ATXN10: variants seen among roughly 807,000 people sequenced by gnomAD.
The protein encoded by ATXN10 is ataxin 10, also known as ataxin-10.
ATXN10 carries 28 observed loss-of-function variants against 52.9 expected under a neutral mutation model. That is an observed-to-expected ratio of 0.53 (90% CI 0.39 to 0.73). The LOEUF is 0.73. Among genes scored for constraint, ATXN10 ranks in the 30% least tolerant of loss-of-function variants. The pLI is 0.00. For missense variants in ATXN10, 565 were observed against 577.0 expected (o/e 0.98, Z 0.21); for synonymous variants, 226 against 221.5 (o/e 1.02, Z -0.18).
At chr22:45,765,385 A>G (rs1376232827) in intron 9 of ATXN10, among the ~76,000 whole-genome samples, 1 of 152,192 alleles carries the variant, frequency 6.6e-6, no homozygotes, top group Admixed American at 6.5e-5. Flanking sequence ...GCCAGTCATT[A>G]GAAATTAGTT....
Position 45,774,991 on chromosome 22 carries a change from T to TTTTG in ATXN10, c.1174-31956_1174-31953dup, listed in dbSNP as rs915239670. 5.9e-5 allele frequency among the ~76,000 whole-genome samples: 9 copies of TTTTG among 152,166 alleles called. No homozygotes were observed. The highest frequency in any genetic ancestry group is 2.2e-4 in the African/African-American group (9 of 41,450). Reference sequence around the variant, plus strand: ...CAGGGGTCGGAGAAACACTAAAGTTTTTTGTTTGTTTGTTTTGCCTTTTCC... The same window carrying TTTTG: ...CAGGGGTCGGAGAAACACTAAAGTTTTTTGTTTGTTTGTTTGTTTTGCCTTTTCC... On this transcript the variant is annotated intron_variant, in intron 9 of 11. Coordinates refer to ENST00000252934, the MANE Select transcript of ATXN10 (RefSeq NM_013236.4). The surrounding 1 kb of genome is among the most constrained non-coding windows in gnomAD (Gnocchi z 6.2).
chr22:45,676,596 C>T (rs572638633), intron 1 of ATXN10: 2 of 152,020 alleles, frequency 1.3e-5, no homozygotes, highest in East Asian at 1.9e-4. Context: ...TCACCTGCCT[C>T]AGCTTCCCGA....
chr22:45,788,616 T>C (rs1314893775), intron 9 of ATXN10, among the ~76,000 whole-genome samples: 1 of 152,030 alleles, frequency 6.6e-6, no homozygotes, highest in Admixed American at 6.6e-5. Flanking sequence ...CAAGACTTTA[T>C]ATTCCACCCT....
chr22:45,726,172 G>A (rs1337513932), intron 6 of ATXN10, among the ~76,000 whole-genome samples: 1 of 152,118 alleles, frequency 6.6e-6, no homozygotes, highest in Non-Finnish European at 1.5e-5. Flanking sequence ...TTCATAGAGT[G>A]AATTAGGTTA....
rs538311985 is a variant in ATXN10 at position 45,806,359 on chromosome 22, T to C, written c.1174-600T>C. Among the ~76,000 whole-genome samples, 8 of 152,360 alleles carry C rather than the reference T, an allele frequency of 5.3e-5. No homozygotes were observed. In the East Asian group the frequency reaches 1.2e-3, roughly 22 times the overall value. On this transcript the variant is annotated intron_variant, in intron 9 of 11. Coordinates refer to ENST00000252934, the MANE Select transcript of ATXN10 (RefSeq NM_013236.4). ...TTTGTATTTTCGGTGCCATGTATGT[T>C]TCATGTATCTCACCTGTTTTTCTAT...
At position 45,759,554 on chromosome 22, in the gene ATXN10, G is replaced by A. The variant is rs1178136887; in HGVS notation, c.1173+19016G>A. On this transcript the variant is annotated intron_variant, in intron 9 of 11. Transcript: ENST00000252934. This position sits in a 1 kb window ranked among gnomAD's most constrained non-coding sequence, Gnocchi z 5.4. ...TTCTAGAGCAGTCTGATCAGGGTGAGGGTTCCGTACTCTTCTTGTGCCATG... is the reference window on the plus strand; with the variant it reads ...TTCTAGAGCAGTCTGATCAGGGTGAAGGTTCCGTACTCTTCTTGTGCCATG... 6.6e-6 allele frequency among the ~76,000 whole-genome samples: 1 copy of A among 152,124 alleles called. No individual in the cohort carries two copies. The highest frequency in any genetic ancestry group is 1.5e-5 in the Non-Finnish European group (1 of 68,016).
intron 3 of ATXN10, among the ~76,000 whole-genome samples, chr22:45,695,494 CTT>C (rs34688034): frequency 2.1e-5 from 3 of 140,912 alleles, no homozygotes; most frequent in Non-Finnish European, 1.5e-5. Context: ...AGGCATATTT[CTT>C]TTTTTTTTTT....
intron 10 of ATXN10, among the ~76,000 whole-genome samples, chr22:45,815,147 A>G (rs896776728): frequency 6.6e-6 from 1 of 152,234 alleles, no homozygotes; most frequent in Non-Finnish European, 1.5e-5. Flanking sequence ...ATGGAATACC[A>G]TACGGCAGTA....
chr22:45,700,875 C>T (rs937243924), intron 4 of ATXN10, among the ~76,000 whole-genome samples: 2 of 152,100 alleles, frequency 1.3e-5, no homozygotes, highest in Non-Finnish European at 1.5e-5. Context: ...ATCAGTTTAT[C>T]CATGTAAGAA....
At chr22:45,801,001 C>G (rs136012) in intron 9 of ATXN10, among the ~76,000 whole-genome samples, 5 of 152,092 alleles carry the variant, frequency 3.3e-5, no homozygotes, top group African/African-American at 1.2e-4. Context: ...TTGGCAGTTT[C>G]TGTAAATTAT....
chr22:45,739,985 T>G (rs1009057275), intron 8 of ATXN10, among the ~76,000 whole-genome samples: 22 of 152,304 alleles, frequency 1.4e-4, no homozygotes, highest in African/African-American at 3.6e-4. Flanking sequence ...TGGATAGATA[T>G]TGTGTTTTAG....
Position 45,781,902 on chromosome 22 carries a change from A to G in ATXN10, c.1174-25057A>G, listed in dbSNP as rs996387837. 3.3e-5 allele frequency among the ~76,000 whole-genome samples: 5 copies of G among 152,248 alleles called. No individual in the cohort carries two copies. The highest frequency in any genetic ancestry group is 1.2e-4 in the African/African-American group (5 of 41,482). On this transcript the variant is annotated intron_variant, in intron 9 of 11. Coordinates refer to ENST00000252934, the MANE Select transcript of ATXN10 (RefSeq NM_013236.4). The surrounding 1 kb of genome is among the most constrained non-coding windows in gnomAD (Gnocchi z 4.2). ...AAAAAATCAGTGAACTGGAGGATGG[A>G]ATAAAAATTATCCAGTCTGAACAAC...
chr22:45,676,750 A>T (rs1922710053), intron 1 of ATXN10: 1 of 152,296 alleles, frequency 6.6e-6, no homozygotes, highest in Admixed American at 6.5e-5. Context: ...AAGTGCTGGG[A>T]TTACAGGCAT....
intron 1 of ATXN10, among the ~76,000 whole-genome samples, chr22:45,687,843 G>A (rs1399188296): frequency 6.6e-6 from 1 of 152,142 alleles, no homozygotes; most frequent in Non-Finnish European, 1.5e-5. Context: ...GGCAGATCAC[G>A]AGATCGGGAG....
chr22:45,672,558 T>C (rs1922507725), intron 1 of ATXN10: 1 of 153,580 alleles, frequency 6.5e-6, no homozygotes, highest in Non-Finnish European at 1.4e-5. Flanking sequence ...TCATAAAGCG[T>C]GTGTTTTAGC....
intron 10 of ATXN10, among the ~76,000 whole-genome samples, chr22:45,808,225 GA>G (rs1285426125): frequency 1.3e-5 from 2 of 151,988 alleles, no homozygotes; most frequent in Non-Finnish European, 2.9e-5. Flanking sequence ...AAAAAGGAAA[GA>G]AAAAAGAAGA....
At chr22:45,740,672 A>G in intron 9 of ATXN10, 134 bp downstream of exon 9, 1 of 576,400 alleles carries the variant, frequency 1.7e-6, no homozygotes, top group Admixed American at 2.6e-5. Flanking sequence ...TATATATTTT[A>G]TATGAATACA....
At chr22:45,779,016 G>T (rs778871065) in intron 9 of ATXN10, among the ~76,000 whole-genome samples, 1 of 152,056 alleles carries the variant, frequency 6.6e-6, no homozygotes, top group Non-Finnish European at 1.5e-5. Flanking sequence ...TGTGTTCCTC[G>T]TTTGTAAAGT....
In ATXN10 at chr22:45,837,240, G is replaced by T. The variant is rs999891726; in HGVS notation, c.1238-5751G>T. On this transcript the variant is annotated intron_variant, in intron 10 of 11. Coordinates refer to ENST00000252934, the MANE Select transcript of ATXN10 (RefSeq NM_013236.4). The surrounding 1 kb of genome is among the most constrained non-coding windows in gnomAD (Gnocchi z 5.8). ...CATAATGCATATTTTTTCAGTGCCA[G>T]TACTTTTTAAGGTTGGTTTGTTTAT... Among the ~76,000 whole-genome samples the T allele has an allele frequency of 4.6e-5, 7 of 152,070 alleles. No homozygotes were observed. The highest frequency in any genetic ancestry group is 1.0e-4 in the Non-Finnish European group (7 of 67,996).
Sources: gnomAD v4.1 joint callset for allele counts (sites outside exome capture counted in the v4.1 genomes callset) on GRCh38, gnomAD v4.1.1 for gene constraint, Gnocchi (gnomAD v3.1) non-coding constraint, MANE v1.5 for transcripts, NCBI Gene and HGNC (gene_info 2026-07-23, HGNC 2026-07-21) for gene names.